The following DOK6 variants were observed in gnomAD, a reference collection of about 807,000 sequenced individuals.
The protein encoded by DOK6 is docking protein 6.
Under a neutral mutation model 44.0 loss-of-function variants are expected in DOK6, and 22 were observed. The ratio of observed to expected loss-of-function variants is 0.50; its 90% CI spans 0.36 to 0.71. The LOEUF (loss-of-function observed/expected upper bound fraction) is 0.71. Ranked by LOEUF, DOK6 falls within the 30% of genes least tolerant of loss-of-function variation. The probability of loss-of-function intolerance (pLI) is 0.00; values close to 1 mark genes in which losing one functional copy is unlikely to be tolerated. For missense variants in DOK6, 340 were observed against 416.4 expected (o/e 0.82, Z 1.60); for synonymous variants, 166 against 145.5 (o/e 1.14, Z -1.01).
rs117546518 is a variant in DOK6 at position 69,808,975 on chromosome 18, T to G, written c.857-32269T>G. Among the ~76,000 whole-genome samples the G allele has an allele frequency of 1.6e-4, 24 of 151,614 alleles. No homozygotes were observed. The East Asian group carries it at 3.9e-3, about 24-fold the overall frequency. ...GGCCAGCATTACCATGATATCAAAA[T>G]CAAAGACCTACAAGTAAATCACAAG... On this transcript the variant is annotated intron_variant, in intron 7 of 7. Coordinates refer to ENST00000382713, the MANE Select transcript of DOK6 (RefSeq NM_152721.6).
chr18:69,813,225 G>A (rs1411111963), intron 7 of DOK6, among the ~76,000 whole-genome samples: 2 of 152,078 alleles, frequency 1.3e-5, no homozygotes, highest in South Asian at 2.1e-4. Flanking sequence ...AAAATTTGAG[G>A]TGCCCTTATC....
rs1982270852 is a variant in DOK6 at position 69,843,120 on chromosome 18, C to T, written c.*1737C>T. 1 of 152,138 alleles carries T rather than the reference C, an allele frequency of 6.6e-6. No individual in the cohort carries two copies. Among genetic ancestry groups the T allele is most frequent in the African/African-American group, 2.4e-5 (1 of 41,426 alleles). The allele number at this position is 152,138 out of a possible 1,614,324, so 9.4% of individuals were successfully genotyped here. Reference sequence around the variant, plus strand: ...TACCTAGGCTCTCCAAATCACTCCACTCGGTATGAAAACCCCATCAAGATA... The same window carrying T: ...TACCTAGGCTCTCCAAATCACTCCATTCGGTATGAAAACCCCATCAAGATA... On this transcript the variant is annotated 3_prime_UTR_variant, in exon 8 of 8. Transcript: ENST00000382713.
intron 2 of DOK6, among the ~76,000 whole-genome samples, chr18:69,579,959 T>A (rs1359237625): frequency 1.3e-5 from 2 of 152,146 alleles, no homozygotes; most frequent in Non-Finnish European, 2.9e-5. Flanking sequence ...TGCAGTTCCA[T>A]CTTCCAAGCA....
intron 3 of DOK6, among the ~76,000 whole-genome samples, chr18:69,633,994 A>G (rs1984747887): frequency 6.6e-6 from 1 of 152,108 alleles, no homozygotes; most frequent in South Asian, 2.1e-4. Context: ...ATAAATGAAA[A>G]GAGACTATTA....
At chr18:69,617,707 A>G (rs954263488) in intron 3 of DOK6, among the ~76,000 whole-genome samples, 1 of 38,832 alleles carries the variant, frequency 2.6e-5, no homozygotes, top group Admixed American at 3.5e-4. Context: ...ACGGAAAGAG[A>G]AAAGAAAGAA....
intron 7 of DOK6, among the ~76,000 whole-genome samples, chr18:69,822,987 G>C (rs988667644): frequency 1.3e-5 from 2 of 151,854 alleles, no homozygotes; most frequent in African/African-American, 4.8e-5. Context: ...CCCATGTCAG[G>C]ACCAGGCTAA....
At chr18:69,717,816 T>A (rs1671340371) in intron 5 of DOK6, among the ~76,000 whole-genome samples, 1 of 152,216 alleles carries the variant, frequency 6.6e-6, no homozygotes, top group African/African-American at 2.4e-5. Context: ...GAGTGTGGGC[T>A]GTATATTGGT....
chr18:69,445,848 T>C (rs11874109), intron 1 of DOK6, among the ~76,000 whole-genome samples: 9,414 of 152,226 alleles, frequency 0.062, 307 homozygotes, highest in Middle Eastern at 0.12. Flanking sequence ...ACTGCATCAT[T>C]GCAATCTAGC....
intron 1 of DOK6, among the ~76,000 whole-genome samples, chr18:69,464,631 C>A (rs183581355): frequency 8.8e-4 from 134 of 152,300 alleles, no homozygotes; most frequent in African/African-American, 3.2e-3. Flanking sequence ...GTGTTGACAT[C>A]ATCTATAAAG....
intron 1 of DOK6, among the ~76,000 whole-genome samples, chr18:69,497,419 T>C (rs149162214): frequency 1.1e-3 from 160 of 152,244 alleles, no homozygotes; most frequent in African/African-American, 3.6e-3. Flanking sequence ...AATGCCACGT[T>C]TCACAAGCAG....
At position 69,841,949 on chromosome 18, in the gene DOK6, C is replaced by CGTGTGTGT. The variant is rs1333672425; in HGVS notation, c.*572_*579dup. The CGTGTGTGT allele has an allele frequency of 2.9e-4, 33 of 114,312 alleles. No homozygotes were observed. The highest frequency in any genetic ancestry group is 1.5e-3 in the Admixed American group (15 of 10,130). 7.1% of individuals were successfully genotyped at this position (114,312 alleles called of 1,614,324 possible). On this transcript the variant is annotated 3_prime_UTR_variant, in exon 8 of 8. Coordinates refer to ENST00000382713, the MANE Select transcript of DOK6 (RefSeq NM_152721.6). Reference sequence around the variant, plus strand: ...TTAAGCAGGGCCCTGTAGCTCTACTCGTGTGTGTGTGTGCGTGTGTGTGTG... The same window carrying CGTGTGTGT: ...TTAAGCAGGGCCCTGTAGCTCTACTCGTGTGTGTGTGTGTGTGTGTGCGTGTGTGTGTG...
chr18:69,670,132 G>A (rs1289645053), intron 3 of DOK6, among the ~76,000 whole-genome samples: 2 of 151,828 alleles, frequency 1.3e-5, no homozygotes, highest in Non-Finnish European at 2.9e-5. Flanking sequence ...TTCCTTTCAG[G>A]AGGCTCTGGA....
At chr18:69,696,833 G>C (rs549643766) in intron 4 of DOK6, among the ~76,000 whole-genome samples, 1 of 152,154 alleles carries the variant, frequency 6.6e-6, no homozygotes, top group East Asian at 1.9e-4. Context: ...ACTTCAGTTG[G>C]TTGCACATAA....
intron 3 of DOK6, among the ~76,000 whole-genome samples, chr18:69,627,334 C>T (rs76044751): frequency 0.013 from 1,979 of 152,256 alleles, 18 homozygotes; most frequent in South Asian, 0.038. Flanking sequence ...TGGATTTAAC[C>T]CAAAAGTTGT....
intron 1 of DOK6, among the ~76,000 whole-genome samples, chr18:69,495,250 A>G (rs1256803987): frequency 1.3e-5 from 2 of 152,158 alleles, no homozygotes. Flanking sequence ...AGGTCTGGAG[A>G]GGGCCACAGC....
At chr18:69,594,155 C>A (rs573183237) in intron 2 of DOK6, among the ~76,000 whole-genome samples, 68 of 151,196 alleles carry the variant, frequency 4.5e-4, no homozygotes, top group African/African-American at 1.5e-3. Context: ...GGTATTAATT[C>A]TCAGGAACTG....
At chr18:69,564,896 A>G (rs1982931983) in intron 2 of DOK6, among the ~76,000 whole-genome samples, 1 of 152,190 alleles carries the variant, frequency 6.6e-6, no homozygotes, top group African/African-American at 2.4e-5. Context: ...GAGGTTAATT[A>G]TGCATTTGTT....
chr18:69,401,505 A>C (rs1443741086), intron 1 of DOK6, among the ~76,000 whole-genome samples, 195 bp downstream of exon 1: 1 of 151,130 alleles, frequency 6.6e-6, no homozygotes, highest in Non-Finnish European at 1.5e-5. Context: ...GGACCTGGGG[A>C]CTCCAGGAGC....
intron 1 of DOK6, among the ~76,000 whole-genome samples, chr18:69,487,985 G>A (rs1170153060): frequency 6.6e-6 from 1 of 152,148 alleles, no homozygotes; most frequent in Non-Finnish European, 1.5e-5. Flanking sequence ...ATGGTAAAAT[G>A]CCATGGACTG....
Sources: gnomAD v4.1 joint callset for allele counts (sites outside exome capture counted in the v4.1 genomes callset) on GRCh38, gnomAD v4.1.1 for gene constraint, MANE v1.5 for transcripts, NCBI Gene and HGNC (gene_info 2026-07-23, HGNC 2026-07-21) for gene names.